The following STRIP1 variants were observed in gnomAD, a reference collection of about 807,000 sequenced individuals.
STRIP1 encodes the protein striatin-interacting protein 1.
STRIP1 carries 63 observed loss-of-function variants against 106.2 expected under a neutral mutation model. That is an observed-to-expected ratio of 0.59 (90% CI 0.48 to 0.73). The LOEUF (loss-of-function observed/expected upper bound fraction) is 0.73. Among genes scored for constraint, STRIP1 ranks in the 30% least tolerant of loss-of-function variants. STRIP1 has a pLI of 0.00. For missense variants in STRIP1, 857 were observed against 1,074.8 expected, an observed-to-expected ratio of 0.80 and a Z score of 2.83; for synonymous variants, 390 against 413.0, an observed-to-expected ratio of 0.94 and a Z score of 0.67.
At chr1:110,038,891 C>T in intron 3 of STRIP1, 134 bp downstream of exon 3, 2 of 837,158 alleles carry the variant, frequency 2.4e-6, no homozygotes, top group East Asian at 2.6e-5. Context: ...TGGTTCAAAG[C>T]CAGATACATG....
chr1:110,041,490 T>C (rs1652755559), intron 6 of STRIP1, 46 bp from the exon 7 acceptor site: 1 of 1,462,468 alleles, frequency 6.8e-7, no homozygotes, highest in African/African-American at 1.4e-5. Flanking sequence ...GGGTGCTCCT[T>C]TGACCCCCCC....
chr1:110,038,340 G>C (rs191719710), intron 2 of STRIP1: 1 of 234,432 alleles, frequency 4.3e-6, no homozygotes, highest in African/African-American at 2.3e-5. Flanking sequence ...ATGCGAGGTC[G>C]GTGTGAGCTG....
chr1:110,032,973 C>T (rs1324158810), upstream of STRIP1, among the ~76,000 whole-genome samples: 1 of 152,216 alleles, frequency 6.6e-6, no homozygotes, highest in Non-Finnish European at 1.5e-5. Context: ...ACCTTCAAGG[C>T]CCTGCATTCT....
chr1:110,034,056 T>A (rs1652311229), upstream of STRIP1, among the ~76,000 whole-genome samples: 1 of 152,240 alleles, frequency 6.6e-6, no homozygotes, highest in African/African-American at 2.4e-5. Context: ...CTTACCATCT[T>A]TAATTAGTGC....
chr1:110,045,686 C>T (rs1304745869), intron 12 of STRIP1, among the ~76,000 whole-genome samples: 1 of 152,064 alleles, frequency 6.6e-6, no homozygotes, highest in Non-Finnish European at 1.5e-5. Context: ...TGTCCTAATA[C>T]GTTGTTCCAG....
chr1:110,031,728 A>C (rs916584337), upstream of STRIP1: 2 of 151,578 alleles, frequency 1.3e-5, no homozygotes, highest in Non-Finnish European at 2.9e-5. Context: ...TCTCTACTGG[A>C]TTGTGCTTTT....
At chr1:110,039,630 A>AAATGG in intron 5 of STRIP1, 115 bp downstream of exon 5, 4 of 1,316,374 alleles carry the variant, frequency 3.0e-6, no homozygotes, top group East Asian at 5.1e-5. Context: ...TTCTGGTCCC[A>AAATGG]GGCTGTGTTC....
chr1:110,037,969 C>T lies in STRIP1; in HGVS notation c.250+9C>T. The T allele has an allele frequency of 6.3e-7, 1 of 1,598,456 alleles. No homozygotes were observed. The highest frequency in any genetic ancestry group is 8.6e-7 in the Non-Finnish European group (1 of 1,167,366). ...GGCTGCAGAGCTCTCGGGTAACGCA[C>T]AGACCTTTGTGTTATTTGGGGGTGG... On this transcript the variant is annotated intron_variant, in intron 2 of 20. Transcript: ENST00000369795.
rs536415295 is a variant in STRIP1, at chr1:110,047,845, C to T, written c.1637C>T (p.Ala546Val). 5 of 1,563,362 alleles carry T rather than the reference C, an allele frequency of 3.2e-6. No homozygotes were observed. The highest frequency in any genetic ancestry group is 2.7e-5 in the African/African-American group (2 of 73,920). The change falls in exon 15 of 21, where the codon GCG (alanine) becomes GTG (valine). Residue 546 changes from alanine to valine, a missense_variant. Transcript: ENST00000369795. ...AAAACAGACTCAATCAACATCCTAG[C>T]GGACGTCTTGCCTGAGGAGATGCCG... The part of the protein sequence containing the change: ...KAKTDSINIL[A>V]DVLPEEMPTT...
upstream of STRIP1, among the ~76,000 whole-genome samples, chr1:110,034,417 T>C (rs1652328556): frequency 6.6e-6 from 1 of 151,940 alleles, no homozygotes; most frequent in Non-Finnish European, 1.5e-5. Flanking sequence ...ACAGATAAAA[T>C]TACATCTAAA....
rs959568287 is a variant in STRIP1, at chr1:110,047,978, A to T, written c.1661+109A>T. 2.0e-5 allele frequency: 18 copies of T among 903,514 alleles called. No homozygotes were observed. In the South Asian group the frequency reaches 2.8e-4, roughly 14 times the overall value. The allele number at this position is 903,514 out of a possible 1,614,324, so 56.0% of individuals were successfully genotyped here. ...TTGTTGGCCCAGCTCTACAGGTTAA[A>T]TGTAGGTATTTTTGACCCAAAAAAA... is the stretch of plus-strand genomic sequence containing the variant. On this transcript the variant is annotated intron_variant, in intron 15 of 20. Coordinates refer to ENST00000369795, the MANE Select transcript of STRIP1 (RefSeq NM_033088.4).
intron 10 of STRIP1, 33 bp from the exon 11 acceptor site, chr1:110,044,807 T>G: frequency 6.2e-7 from 1 of 1,611,272 alleles, no homozygotes; most frequent in Non-Finnish European, 8.5e-7. Flanking sequence ...CTAAAAACCT[T>G]TTTTCTTTCT....
rs1652349441 is a variant in STRIP1, at chr1:110,034,687, A to G, written c.50A>G (p.Gln17Arg). ...GGCCCACTGATCGTGAACAACAAAC[A>G]GCCCCAGCCCCCGCCACCTCCGCCG... ...GPGPLIVNNK[Q>R]PQPPPPPPPA... is the part of the protein sequence containing the mutation. Residue 17 changes from glutamine to arginine, a missense_variant, in exon 1 of 21, where the codon CAG (glutamine) becomes CGG (arginine). By Grantham distance (43) the Gln-to-Arg change is conservative. Transcript: ENST00000369795. 19 of 1,517,086 alleles carry G rather than the reference A, an allele frequency of 1.3e-5. No individual in the cohort carries two copies. Among genetic ancestry groups the G allele is most frequent in the Non-Finnish European group, 1.6e-5 (18 of 1,134,366 alleles). The allele number at this position is 1,517,086 out of a possible 1,614,324, so 94.0% of individuals were successfully genotyped here. A position where few individuals can be genotyped will look rare whatever the true frequency, so the allele number is the denominator to read the frequency against.
At chr1:110,042,883 C>CT (rs1278229283) in intron 8 of STRIP1, 4 of 561,780 alleles carry the variant, frequency 7.1e-6, no homozygotes, top group African/African-American at 5.6e-5. Flanking sequence ...CATCTCCACT[C>CT]TTTCCTTGTT....
chr1:110,050,795 G>A (rs1222472978), intron 18 of STRIP1, among the ~76,000 whole-genome samples, 161 bp from the exon 19 acceptor site: 1 of 152,164 alleles, frequency 6.6e-6, no homozygotes, highest in East Asian at 1.9e-4. Flanking sequence ...CTAGTCCCCT[G>A]CCAGCTTCTG....
chr1:110,037,684 AG>A (rs2101765563), intron 1 of STRIP1, among the ~76,000 whole-genome samples: 1 of 152,366 alleles, frequency 6.6e-6, no homozygotes, highest in South Asian at 2.1e-4. Context: ...AAAGGCAGAC[AG>A]TAAACACATC....
At position 110,047,757 on chromosome 1, in the gene STRIP1, G is replaced by T. The variant is rs1255467691; in HGVS notation, c.1564-15G>T. ...GGGCTCTCAGACCTGTGTCTGAATG[G>T]TCTACTCTTCCCAGATTGCCCTCCT... is the stretch of plus-strand genomic sequence containing the variant. On this transcript the variant is annotated splice_polypyrimidine_tract_variant and intron_variant, in intron 14 of 20. Transcript: ENST00000369795. 1.3e-6 allele frequency: 2 copies of T among 1,559,562 alleles called. No homozygotes were observed. The highest frequency in any genetic ancestry group is 1.2e-5 in the South Asian group (1 of 84,776).
Position 110,038,670 on chromosome 1 carries a change from T to G in STRIP1, c.251-13T>G, listed in dbSNP as rs776446559. On this transcript the variant is annotated splice_polypyrimidine_tract_variant and intron_variant, in intron 2 of 20. Coordinates refer to ENST00000369795, the MANE Select transcript of STRIP1 (RefSeq NM_033088.4). Reference sequence around the variant, plus strand: ...GACATGGAACCAATGGTGACGAGACTTTGTTCTGACAGAGCTTTACAGCTA... The same window carrying G: ...GACATGGAACCAATGGTGACGAGACGTTGTTCTGACAGAGCTTTACAGCTA... 62 of 1,613,580 alleles carry G rather than the reference T, an allele frequency of 3.8e-5. No homozygotes were observed. The highest frequency in any genetic ancestry group is 5.0e-5 in the Non-Finnish European group (59 of 1,179,556).
At chr1:110,035,605 T>G (rs1652415532) in intron 1 of STRIP1, among the ~76,000 whole-genome samples, 1 of 152,162 alleles carries the variant, frequency 6.6e-6, no homozygotes, top group African/African-American at 2.4e-5. Flanking sequence ...ACTGCCTCCT[T>G]TTGCAGAATT....
Sources: gnomAD v4.1 joint callset for allele counts (sites outside exome capture counted in the v4.1 genomes callset) on GRCh38, gnomAD v4.1.1 for gene constraint, MANE v1.5 for transcripts, NCBI Gene and HGNC (gene_info 2026-07-23, HGNC 2026-07-21) for gene names.